RERE: variants seen among roughly 807,000 people sequenced by gnomAD.
RERE encodes arginine-glutamic acid dipeptide repeats protein.
In RERE, 40 loss-of-function variants were observed where a neutral mutation model predicts 146.1. That is an observed-to-expected ratio of 0.27 (90% confidence interval 0.21 to 0.36). The LOEUF (loss-of-function observed/expected upper bound fraction) is 0.36. Among genes scored for constraint, RERE ranks in the 10% least tolerant of loss-of-function variants. The pLI, the probability that RERE is intolerant of heterozygous loss-of-function variation, is 1.00. For synonymous variants in RERE, 1,003 were observed against 866.0 expected, an observed-to-expected ratio of 1.16 and a Z score of -2.78; for missense variants, 1,933 against 2,138.7, an observed-to-expected ratio of 0.90 and a Z score of 1.90.
intron 12 of RERE, among the ~76,000 whole-genome samples, chr1:8,382,908 CAGTA>C (rs747949877): frequency 2.0e-5 from 3 of 151,668 alleles, no homozygotes; most frequent in Non-Finnish European, 4.4e-5. Context: ...CACACATGCT[CAGTA>C]AGTGACAGGA....
In RERE at chr1:8,817,609, T is replaced by G. The variant is rs901811537; in HGVS notation, c.-594A>C. ...GGGGTGTGCGGGAGGCTGAGGAGGC[T>G]CCGGAGCGCGGAGGGTTGCTCGCGA... On this transcript the variant is annotated 5_prime_UTR_variant, in exon 1 of 23. Coordinates refer to ENST00000400908, the MANE Select transcript of RERE (RefSeq NM_001042681.2). 2 of 150,278 alleles carry G rather than the reference T, an allele frequency of 1.3e-5. No homozygotes were observed. The highest frequency in any genetic ancestry group is 3.0e-5 in the Non-Finnish European group (2 of 67,544). 9.3% of individuals were successfully genotyped at this position (150,278 alleles called of 1,614,324 possible).
chr1:8,592,701 G>T (rs1424404967), intron 4 of RERE, among the ~76,000 whole-genome samples: 2 of 152,084 alleles, frequency 1.3e-5, no homozygotes, highest in Non-Finnish European at 2.9e-5. Context: ...GGGAAACATA[G>T]TGAGATCCCA....
Position 8,653,567 on chromosome 1 carries a change from C to T in RERE, c.325+2406G>A, listed in dbSNP as rs917078549. Among the ~76,000 whole-genome samples the T allele has an allele frequency of 7.9e-5, 12 of 151,962 alleles. 2 individuals are homozygous for T. In the South Asian group the frequency reaches 8.3e-4, roughly 11 times the overall value. ...AATATTAGCTGGGCGCAGTGGTGGG[C>T]GCCTGTAGTCCCAGCTACTGGGGAG... On this transcript the variant is annotated intron_variant, in intron 2 of 22. Coordinates refer to ENST00000400908, the MANE Select transcript of RERE (RefSeq NM_001042681.2).
rs1223688299 is a variant in RERE, at chr1:8,808,618, A to C, written c.-145+8542T>G. On this transcript the variant is annotated intron_variant, in intron 1 of 22. Transcript: ENST00000400908. ...CCAGAAAGGTAAATAACCTGCCCGAAGTCACAGAGTTAATAAGCAGTGGGC... is the reference window on the plus strand; with the variant it reads ...CCAGAAAGGTAAATAACCTGCCCGACGTCACAGAGTTAATAAGCAGTGGGC... Among the ~76,000 whole-genome samples, 3 of 152,214 alleles carry C rather than the reference A, an allele frequency of 2.0e-5. No individual in the cohort carries two copies. The East Asian group carries it at 5.8e-4, about 29-fold the overall frequency.
chr1:8,507,105 T>C (rs1490569170), intron 8 of RERE, among the ~76,000 whole-genome samples: 7 of 152,050 alleles, frequency 4.6e-5, no homozygotes, highest in African/African-American at 1.4e-4. Context: ...TCCTAACTGA[T>C]ACTGAGATCA....
intron 8 of RERE, among the ~76,000 whole-genome samples, chr1:8,502,034 T>TG (rs201116132): frequency 7.4e-5 from 2 of 27,068 alleles, no homozygotes; most frequent in African/African-American, 1.4e-4. Context: ...GGGAGGGAGG[T>TG]GGGGGGGGTC....
chr1:8,483,130 C>G (rs1312247082), intron 10 of RERE, among the ~76,000 whole-genome samples: 2 of 152,216 alleles, frequency 1.3e-5, no homozygotes. Context: ...TAGAGCCTAT[C>G]AGCTTTACCC....
At chr1:8,401,652 C>G (rs1030470198) in intron 12 of RERE, among the ~76,000 whole-genome samples, 1 of 151,558 alleles carries the variant, frequency 6.6e-6, no homozygotes, top group Non-Finnish European at 1.5e-5. Flanking sequence ...CCCAGCTACT[C>G]GGGAGGCTGA....
At chr1:8,786,529 T>G (rs1641262218) in intron 1 of RERE, 2 of 782,512 alleles carry the variant, frequency 2.6e-6, no homozygotes, top group Non-Finnish European at 4.6e-6. Context: ...AATATATGGC[T>G]CTACAATCCT....
rs183766685 is a variant in RERE, at chr1:8,663,342, A to T, written c.-144-6901T>A. Among the ~76,000 whole-genome samples the T allele has an allele frequency of 2.0e-5, 3 of 152,230 alleles. No homozygotes were observed. In the East Asian group the frequency reaches 5.8e-4, roughly 29 times the overall value. On this transcript the variant is annotated intron_variant, in intron 1 of 22. Coordinates refer to ENST00000400908, the MANE Select transcript of RERE (RefSeq NM_001042681.2). ...TACAGTGAGCGAAGTCCTCCAGTTA[A>T]TTCTTCCTCACTCAACCACAGTAAG...
chr1:8,428,159 G>A lies in RERE; in HGVS notation c.1204-5352C>T, dbSNP rs1035393752. 9.2e-5 allele frequency among the ~76,000 whole-genome samples: 14 copies of A among 152,298 alleles called. No individual in the cohort carries two copies. In the South Asian group the frequency reaches 2.9e-3, roughly 32 times the overall value. Reference sequence around the variant, plus strand: ...TAGCAGGATGCCAAGGGTAAAGGAGGAAGGAAATATAGAAGGCAAGTCACT... The same window carrying A: ...TAGCAGGATGCCAAGGGTAAAGGAGAAAGGAAATATAGAAGGCAAGTCACT... On this transcript the variant is annotated intron_variant, in intron 11 of 22. Coordinates refer to ENST00000400908, the MANE Select transcript of RERE (RefSeq NM_001042681.2).
intron 7 of RERE, among the ~76,000 whole-genome samples, chr1:8,531,041 C>G (rs1413822179): frequency 1.3e-5 from 2 of 151,294 alleles, no homozygotes; most frequent in East Asian, 1.9e-4. Flanking sequence ...ATCTATCTAT[C>G]TATCTATCTA....
intron 12 of RERE, among the ~76,000 whole-genome samples, chr1:8,410,339 C>T (rs951985318): frequency 1.3e-5 from 2 of 152,132 alleles, no homozygotes; most frequent in African/African-American, 4.8e-5. Flanking sequence ...TTGCAGGAAG[C>T]AGAGGCCTGA....
At chr1:8,801,709 A>G (rs963688602) in intron 1 of RERE, among the ~76,000 whole-genome samples, 1 of 152,260 alleles carries the variant, frequency 6.6e-6, no homozygotes, top group Non-Finnish European at 1.5e-5. Context: ...ATACACAGGC[A>G]TATCTTTGGG....
chr1:8,762,407 G>A (rs114249907), intron 1 of RERE, among the ~76,000 whole-genome samples: 1 of 152,000 alleles, frequency 6.6e-6, no homozygotes, highest in Admixed American at 6.6e-5. Context: ...CAGCTTTCTC[G>A]GTTATAACAC....
intron 2 of RERE, among the ~76,000 whole-genome samples, chr1:8,630,093 A>C (rs139559577): frequency 3.6e-4 from 55 of 152,310 alleles, no homozygotes; most frequent in Admixed American, 6.5e-4. Flanking sequence ...CTAATATTGC[A>C]GAATAAAAAA....
At chr1:8,531,071 AACTT>A (rs763546634) in intron 7 of RERE, among the ~76,000 whole-genome samples, 1 of 140,376 alleles carries the variant, frequency 7.1e-6, no homozygotes, top group Non-Finnish European at 1.5e-5. Flanking sequence ...CTATCTATCT[AACTT>A]TCTATCTATC....
chr1:8,371,014 C>T (rs1204093934), intron 12 of RERE, among the ~76,000 whole-genome samples: 2 of 152,168 alleles, frequency 1.3e-5, no homozygotes, highest in Non-Finnish European at 2.9e-5. Context: ...CATCTCACAA[C>T]AAGGTCTCAC....
At chr1:8,792,487 A>G (rs1284022890) in intron 1 of RERE, 5 of 152,236 alleles carry the variant, frequency 3.3e-5, no homozygotes. Context: ...GTAACACCAT[A>G]AACAGGCTGA....
Sources: gnomAD v4.1 joint callset for allele counts (sites outside exome capture counted in the v4.1 genomes callset) on GRCh38, gnomAD v4.1.1 for gene constraint, MANE v1.5 for transcripts, NCBI Gene and HGNC (gene_info 2026-07-23, HGNC 2026-07-21) for gene names.